The following EXOC6B variants were observed in gnomAD, a reference collection of about 807,000 sequenced individuals.
EXOC6B encodes exocyst complex component 6B.
In EXOC6B, 54 loss-of-function variants were observed where a neutral mutation model predicts 113.5. That is an observed-to-expected ratio of 0.48 (90% CI 0.38 to 0.60). The LOEUF is 0.60. EXOC6B is among the 20% of genes least tolerant of loss of function. EXOC6B has a pLI of 0.00. For missense variants in EXOC6B, 797 were observed against 977.5 expected (o/e 0.82, Z 2.46); for synonymous variants, 357 against 339.0 (o/e 1.05, Z -0.58).
At chr2:72,769,165 AT>A (rs1683270359) in intron 1 of EXOC6B, among the ~76,000 whole-genome samples, 1 of 152,232 alleles carries the variant, frequency 6.6e-6, no homozygotes, top group African/African-American at 2.4e-5. Flanking sequence ...GACATTATTC[AT>A]ACAAACAAAA....
intron 20 of EXOC6B, among the ~76,000 whole-genome samples, chr2:72,299,355 C>T (rs942848676): frequency 6.6e-6 from 1 of 151,794 alleles, no homozygotes; most frequent in African/African-American, 2.4e-5. Context: ...ATGTTCTTCT[C>T]TAAACTGGTT....
At chr2:72,364,360 C>A (rs925390726) in intron 19 of EXOC6B, among the ~76,000 whole-genome samples, 1 of 152,010 alleles carries the variant, frequency 6.6e-6, no homozygotes, top group Non-Finnish European at 1.5e-5. Context: ...ATCAATGAAC[C>A]TTAGTGGCTC....
At chr2:72,411,469 T>C (rs1243473748) in intron 18 of EXOC6B, among the ~76,000 whole-genome samples, 2 of 152,064 alleles carry the variant, frequency 1.3e-5, no homozygotes, top group Non-Finnish European at 2.9e-5. Flanking sequence ...AGAAATAAAC[T>C]AGACTCCAGC....
At chr2:72,737,080 T>C (rs1460009742) in intron 2 of EXOC6B, among the ~76,000 whole-genome samples, 2 of 151,916 alleles carry the variant, frequency 1.3e-5, no homozygotes, top group African/African-American at 4.8e-5. Context: ...TTCATGCCTG[T>C]GATACCAACA....
chr2:72,412,864 T>A (rs1353729807), intron 18 of EXOC6B, among the ~76,000 whole-genome samples: 2 of 152,194 alleles, frequency 1.3e-5, no homozygotes, highest in Non-Finnish European at 2.9e-5. Flanking sequence ...CTAACCAGCA[T>A]AAAGTAGAAG....
chr2:72,734,140 G>C (rs1276729843), intron 2 of EXOC6B, among the ~76,000 whole-genome samples: 2 of 152,124 alleles, frequency 1.3e-5, no homozygotes, highest in Non-Finnish European at 2.9e-5. Flanking sequence ...TCTTCTCAAG[G>C]AGCTAGTTTT....
At chr2:72,510,777 T>C (rs1700849298) in intron 11 of EXOC6B, among the ~76,000 whole-genome samples, 1 of 151,918 alleles carries the variant, frequency 6.6e-6, no homozygotes, top group Admixed American at 6.6e-5. Context: ...TGTTAGAACA[T>C]ACAACTCAAT....
chr2:72,690,513 T>C (rs1229552148), intron 6 of EXOC6B, among the ~76,000 whole-genome samples: 2 of 152,226 alleles, frequency 1.3e-5, no homozygotes, highest in Non-Finnish European at 2.9e-5. Flanking sequence ...AATATAAGTC[T>C]TTGTAATTAA....
At chr2:72,666,874 T>G (rs1675434248) in intron 6 of EXOC6B, among the ~76,000 whole-genome samples, 1 of 151,746 alleles carries the variant, frequency 6.6e-6, no homozygotes, top group Non-Finnish European at 1.5e-5. Context: ...ATTTTTCTTT[T>G]TTTTTCTCAG....
intron 6 of EXOC6B, among the ~76,000 whole-genome samples, chr2:72,688,882 G>C (rs1186973592): frequency 6.6e-6 from 1 of 152,110 alleles, no homozygotes; most frequent in Non-Finnish European, 1.5e-5. Flanking sequence ...AATTATCTAT[G>C]CACAACTGTA....
intron 6 of EXOC6B, among the ~76,000 whole-genome samples, chr2:72,637,745 A>G (rs938062882): frequency 6.6e-6 from 1 of 151,730 alleles, no homozygotes; most frequent in African/African-American, 2.4e-5. Context: ...AGCCAAGATC[A>G]CACCACTGCA....
At chr2:72,714,546 GT>G (rs2104703053) in intron 6 of EXOC6B, among the ~76,000 whole-genome samples, 1 of 152,262 alleles carries the variant, frequency 6.6e-6, no homozygotes, top group South Asian at 2.1e-4. Context: ...GAAAGAAGTA[GT>G]CCCAGAAACT....
At position 72,285,549 on chromosome 2, in the gene EXOC6B, G is replaced by C. The variant is rs1685374944; in HGVS notation, c.2196+49398C>G. ...ATAAAGCTCATAGAAGATAACATAA[G>C]AGAAAATCTAGATAACCTTGGAATT... On this transcript the variant is annotated intron_variant, in intron 20 of 21. Coordinates refer to ENST00000272427, the MANE Select transcript of EXOC6B (RefSeq NM_015189.3). Among the ~76,000 whole-genome samples the C allele has an allele frequency of 2.0e-5, 3 of 151,948 alleles. 1 individual carries two copies. The South Asian group carries it at 6.2e-4, about 31-fold the overall frequency.
chr2:72,212,066 G>A (rs1680231411), intron 20 of EXOC6B, among the ~76,000 whole-genome samples: 1 of 152,190 alleles, frequency 6.6e-6, no homozygotes, highest in Non-Finnish European at 1.5e-5. Context: ...ATATGCAGAG[G>A]GCATTTCTCC....
intron 6 of EXOC6B, among the ~76,000 whole-genome samples, chr2:72,691,681 A>ATTTTTATCTAT (rs1553467570): frequency 7.3e-6 from 1 of 137,814 alleles, no homozygotes; most frequent in Non-Finnish European, 1.6e-5. Flanking sequence ...TTGTATATCT[A>ATTTTTATCTAT]TTTTTTTTTT....
At chr2:72,653,734 A>G (rs1299598706) in intron 6 of EXOC6B, among the ~76,000 whole-genome samples, 1 of 151,824 alleles carries the variant, frequency 6.6e-6, no homozygotes, top group Non-Finnish European at 1.5e-5. Flanking sequence ...TTGATTTGAT[A>G]CCTAACATTT....
chr2:72,692,924 TA>T (rs781598490), intron 6 of EXOC6B, among the ~76,000 whole-genome samples: 136 of 152,280 alleles, frequency 8.9e-4, no homozygotes, highest in Non-Finnish European at 1.5e-3. Flanking sequence ...TTGACCCAAC[TA>T]AAACTCTAGG....
At chr2:72,370,219 C>A (rs1404351863) in intron 19 of EXOC6B, among the ~76,000 whole-genome samples, 1 of 152,186 alleles carries the variant, frequency 6.6e-6, no homozygotes, top group Non-Finnish European at 1.5e-5. Flanking sequence ...ACAGACACTT[C>A]TCAAAAGAAG....
At chr2:72,322,640 A>G (rs748684464) in intron 20 of EXOC6B, among the ~76,000 whole-genome samples, 19 of 152,182 alleles carry the variant, frequency 1.2e-4, no homozygotes, top group Non-Finnish European at 2.6e-4. Flanking sequence ...ACCAAAACAG[A>G]TATATAGACC....
Sources: gnomAD v4.1 joint callset for allele counts (sites outside exome capture counted in the v4.1 genomes callset) on GRCh38, gnomAD v4.1.1 for gene constraint, MANE v1.5 for transcripts, NCBI Gene and HGNC (gene_info 2026-07-23, HGNC 2026-07-21) for gene names.